The following PTPRQ variants were observed in gnomAD, a reference collection of about 807,000 sequenced individuals.
PTPRQ encodes the protein protein tyrosine phosphatase receptor type Q.
A neutral mutation model predicts 246.0 loss-of-function variants in PTPRQ; 199 were observed. That is an observed-to-expected ratio of 0.81 (90% confidence interval 0.72 to 0.91). The LOEUF is 0.91. PTPRQ is among the 40% of genes least tolerant of loss of function. The probability of loss-of-function intolerance (pLI) is 0.00; values close to 1 mark genes in which losing one functional copy is unlikely to be tolerated. For missense variants in PTPRQ, 2,624 were observed against 2,528.4 expected (o/e 1.04, Z -0.81); for synonymous variants, 869 against 853.2 (o/e 1.02, Z -0.32).
At chr12:80,510,972 T>C (rs891811103) in intron 17 of PTPRQ, among the ~76,000 whole-genome samples, 147 of 152,340 alleles carry the variant, frequency 9.6e-4, no homozygotes, top group African/African-American at 3.3e-3. Context: ...TTGTATCTCA[T>C]GTTAGTTAGC....
At chr12:80,675,337 A>G (rs184740646) in intron 43 of PTPRQ, among the ~76,000 whole-genome samples, 1 of 152,340 alleles carries the variant, frequency 6.6e-6, no homozygotes, top group East Asian at 1.9e-4. Context: ...TGGCTAACAA[A>G]TTAGGTAGCT....
intron 7 of PTPRQ, among the ~76,000 whole-genome samples, chr12:80,469,373 A>C (rs150867577): frequency 1.1e-4 from 17 of 152,290 alleles, no homozygotes; most frequent in African/African-American, 3.9e-4. Context: ...CAACTTTGTA[A>C]GCAAGCAGGA....
chr12:80,448,520 C>T lies in PTPRQ; in HGVS notation c.390+2803C>T, dbSNP rs545620526. Among the ~76,000 whole-genome samples the T allele has an allele frequency of 7.5e-3, 1,144 of 151,866 alleles. 21 individuals carry two copies. Among genetic ancestry groups the T allele is most frequent in the African/African-American group, 0.027 (1,101 of 41,362 alleles). ...GGTATATCTCCCAATGCTATCCCTC[C>T]CCACTCCCCCCACCCCACAACAGTC... On this transcript the variant is annotated intron_variant, in intron 3 of 44. Coordinates refer to ENST00000644991, the MANE Select transcript of PTPRQ (RefSeq NM_001145026.2).
intron 9 of PTPRQ, among the ~76,000 whole-genome samples, chr12:80,486,239 A>C (rs1015624542): frequency 1.3e-5 from 2 of 152,262 alleles, no homozygotes; most frequent in Non-Finnish European, 2.9e-5. Context: ...ATTGTGACCT[A>C]TTGTGATCAT....
intron 14 of PTPRQ, among the ~76,000 whole-genome samples, chr12:80,502,701 T>C (rs1338399626): frequency 2.0e-5 from 3 of 151,840 alleles, no homozygotes; most frequent in African/African-American, 7.2e-5. Context: ...AGAGAATTGT[T>C]GGATTCAAAG....
At chr12:80,644,752 T>G (rs1359914738) in intron 35 of PTPRQ, among the ~76,000 whole-genome samples, 1 of 152,052 alleles carries the variant, frequency 6.6e-6, no homozygotes, top group Admixed American at 6.6e-5. Flanking sequence ...TTTTTTTGTA[T>G]ATAAACATTA....
intron 25 of PTPRQ, among the ~76,000 whole-genome samples, chr12:80,577,217 A>G (rs919567543): frequency 1.3e-5 from 2 of 152,222 alleles, no homozygotes; most frequent in African/African-American, 2.4e-5. Flanking sequence ...AGACTGGGCA[A>G]TTTATAATGG....
intron 29 of PTPRQ, among the ~76,000 whole-genome samples, chr12:80,615,829 G>A (rs1328505729): frequency 6.6e-6 from 1 of 150,966 alleles, no homozygotes; most frequent in Non-Finnish European, 1.5e-5. Context: ...AGATACAGTG[G>A]CTGTAGTGCT....
chr12:80,536,632 A>G (rs1895996530), intron 19 of PTPRQ, among the ~76,000 whole-genome samples: 1 of 152,236 alleles, frequency 6.6e-6, no homozygotes, highest in Non-Finnish European at 1.5e-5. Context: ...TTTTGAACAA[A>G]TGCCTTAAGA....
At chr12:80,625,425 A>G (rs747794508) in intron 33 of PTPRQ, among the ~76,000 whole-genome samples, 9 of 152,148 alleles carry the variant, frequency 5.9e-5, no homozygotes, top group Non-Finnish European at 1.3e-4. Flanking sequence ...ACCACAGGCA[A>G]TGAGCACTAA....
At chr12:80,633,073 G>T (rs1899502133) in intron 34 of PTPRQ, among the ~76,000 whole-genome samples, 2 of 152,054 alleles carry the variant, frequency 1.3e-5, no homozygotes, top group Non-Finnish European at 2.9e-5. Flanking sequence ...CTCACTTTCG[G>T]CCGGCTGGCA....
intron 25 of PTPRQ, among the ~76,000 whole-genome samples, chr12:80,572,820 T>A (rs1338001363): frequency 6.6e-6 from 1 of 152,214 alleles, no homozygotes; most frequent in Non-Finnish European, 1.5e-5. Flanking sequence ...TATTTTTGAA[T>A]GTTAAATTAT....
intron 41 of PTPRQ, among the ~76,000 whole-genome samples, chr12:80,669,869 G>A (rs149552913): frequency 1.3e-5 from 2 of 152,018 alleles, no homozygotes; most frequent in Admixed American, 6.6e-5. Flanking sequence ...AGATAGAAAA[G>A]GTAGTATGGG....
intron 6 of PTPRQ, among the ~76,000 whole-genome samples, chr12:80,462,232 G>C (rs1339297829): frequency 6.6e-6 from 1 of 152,146 alleles, no homozygotes; most frequent in East Asian, 2.0e-4. Flanking sequence ...TGGCTCAGGG[G>C]GTCCTACCCC....
chr12:80,545,945 T>C (rs1896291295), intron 23 of PTPRQ, among the ~76,000 whole-genome samples: 1 of 151,958 alleles, frequency 6.6e-6, no homozygotes, highest in South Asian at 2.1e-4. Flanking sequence ...AATTGCAGAC[T>C]GTAATTATGC....
intron 35 of PTPRQ, among the ~76,000 whole-genome samples, chr12:80,644,436 T>G (rs946088311): frequency 6.6e-6 from 1 of 152,156 alleles, no homozygotes. Context: ...TAAATGAATA[T>G]CCTACCAGTC....
chr12:80,567,269 A>T (rs1897006212), intron 25 of PTPRQ, among the ~76,000 whole-genome samples: 1 of 152,184 alleles, frequency 6.6e-6, no homozygotes, highest in Admixed American at 6.5e-5. Context: ...AGTACTTTTA[A>T]TTTCTATATA....
At chr12:80,496,191 C>A (rs1232695012) in intron 13 of PTPRQ, 59 bp from the exon 14 acceptor site, 13 of 1,542,034 alleles carry the variant, frequency 8.4e-6, no homozygotes, top group South Asian at 1.2e-5. Flanking sequence ...CCTCTAGGGT[C>A]TAAAGCAACA....
At chr12:80,449,263 T>A (rs1379673674) in intron 3 of PTPRQ, among the ~76,000 whole-genome samples, 1 of 151,976 alleles carries the variant, frequency 6.6e-6, no homozygotes, top group Non-Finnish European at 1.5e-5. Flanking sequence ...TCATTGTAGG[T>A]TCTGGATATT....
Sources: allele counts gnomAD v4.1 joint callset (sites outside exome capture counted in the v4.1 genomes callset), GRCh38; gene constraint gnomAD v4.1.1; transcripts MANE v1.5; gene names NCBI Gene and HGNC (gene_info 2026-07-23, HGNC 2026-07-21).